The following VPS50 variants were observed in gnomAD, a reference collection of about 807,000 sequenced individuals.
VPS50 encodes the protein syndetin.
In VPS50, 70 loss-of-function variants were observed where a neutral mutation model predicts 139.7. That is an observed-to-expected ratio of 0.50 (90% CI 0.41 to 0.61). The LOEUF is 0.61. VPS50 is among the 20% of genes least tolerant of loss of function. The pLI, the probability that VPS50 is intolerant of heterozygous loss-of-function variation, is 0.00. For synonymous variants in VPS50, 365 were observed against 376.7 expected, an observed-to-expected ratio of 0.97 and a Z score of 0.36; for missense variants, 921 against 1,133.7, an observed-to-expected ratio of 0.81 and a Z score of 2.69.
intron 27 of VPS50, 24 bp downstream of exon 27, chr7:93,356,104 T>G (rs1256139511): frequency 8.4e-7 from 1 of 1,192,014 alleles, no homozygotes; most frequent in Non-Finnish European, 1.1e-6. Context: ...AATAGTTAAT[T>G]AAGTTTTTAT....
At chr7:93,352,166 A>G (rs1798580787) in intron 25 of VPS50, among the ~76,000 whole-genome samples, 1 of 152,214 alleles carries the variant, frequency 6.6e-6, no homozygotes, top group African/African-American at 2.4e-5. Context: ...TTTTATACAT[A>G]TAGCTTTATC....
chr7:93,302,881 G>T (rs908830304), intron 16 of VPS50, among the ~76,000 whole-genome samples: 11 of 152,148 alleles, frequency 7.2e-5, no homozygotes, highest in Admixed American at 3.3e-4. Context: ...AGAAAGAAAA[G>T]AGATCAGTAT....
At chr7:93,323,475 A>G (rs1797678345) in intron 20 of VPS50, 136 bp from the exon 21 acceptor site, 3 of 268,446 alleles carry the variant, frequency 1.1e-5, no homozygotes, top group Middle Eastern at 1.2e-3. Flanking sequence ...TACTTGAGAC[A>G]TGGCTACTGT....
intron 1 of VPS50, 41 bp downstream of exon 1, chr7:93,232,541 G>C: frequency 6.4e-7 from 1 of 1,556,562 alleles, no homozygotes; most frequent in Non-Finnish European, 8.9e-7. Context: ...CTTCATCTCG[G>C]AAGTGAGAGG....
rs371633008 is a variant in VPS50, at chr7:93,297,166, A to C, written c.1284A>C (p.Glu428Asp). ...IISRLMQVGE[E>D]FCGSKSEVLQ... ...CTAGGTTGATGCAAGTTGGAGAAGA[A>C]TTTTGTGGTAGCAAGTCTGAAGTTT... is the stretch of plus-strand genomic sequence containing the variant. The change falls in exon 16 of 28, where the codon GAA becomes GAC. Residue 428 changes from glutamate to aspartate, a missense_variant. By Grantham distance (45) the Glu-to-Asp change is conservative. Coordinates refer to ENST00000305866, the MANE Select transcript of VPS50 (RefSeq NM_017667.4). 1.0e-5 allele frequency: 16 copies of C among 1,563,808 alleles called. No individual in the cohort carries two copies. The African/African-American group carries it at 2.3e-4, about 22-fold the overall frequency.
At chr7:93,310,306 G>A (rs1264989931) in intron 19 of VPS50, among the ~76,000 whole-genome samples, 2 of 151,922 alleles carry the variant, frequency 1.3e-5, no homozygotes, top group African/African-American at 4.8e-5. Context: ...GTTCTAACTT[G>A]TGTCTCTTGA....
chr7:93,329,937 A>G (rs898977135), intron 21 of VPS50, among the ~76,000 whole-genome samples: 4 of 152,212 alleles, frequency 2.6e-5, no homozygotes, highest in African/African-American at 9.6e-5. Flanking sequence ...TAACACATGA[A>G]AACCTAGATC....
intron 12 of VPS50, among the ~76,000 whole-genome samples, chr7:93,289,363 A>C (rs1382723923): frequency 6.6e-6 from 1 of 151,594 alleles, no homozygotes; most frequent in African/African-American, 2.4e-5. Flanking sequence ...TTTTGATAGG[A>C]GTTTTAGTCT....
At chr7:93,334,513 A>T (rs997985757) in intron 22 of VPS50, among the ~76,000 whole-genome samples, 1 of 152,180 alleles carries the variant, frequency 6.6e-6, no homozygotes, top group African/African-American at 2.4e-5. Context: ...CAGGCATAGG[A>T]TTAATGGGAG....
intron 3 of VPS50, 26 bp downstream of exon 3, chr7:93,252,801 A>G: frequency 1.3e-6 from 2 of 1,555,302 alleles, no homozygotes; most frequent in Non-Finnish European, 8.7e-7. Context: ...TTAAAACATA[A>G]CTAAGGCCTG....
At chr7:93,317,542 G>A (rs1263822126) in intron 20 of VPS50, among the ~76,000 whole-genome samples, 1 of 152,138 alleles carries the variant, frequency 6.6e-6, no homozygotes, top group Non-Finnish European at 1.5e-5. Flanking sequence ...GGGTGACAGG[G>A]CAAGACTCTG....
chr7:93,275,650 A>G (rs1250145253), intron 11 of VPS50, among the ~76,000 whole-genome samples: 1 of 152,172 alleles, frequency 6.6e-6, no homozygotes, highest in Non-Finnish European at 1.5e-5. Flanking sequence ...AAATAAAAAA[A>G]TTTGCTTTGT....
intron 23 of VPS50, among the ~76,000 whole-genome samples, chr7:93,346,388 G>A (rs1798394601): frequency 6.6e-6 from 1 of 152,112 alleles, no homozygotes; most frequent in African/African-American, 2.4e-5. Flanking sequence ...TAATGAAAAT[G>A]GCCATACTGC....
chr7:93,252,059 T>G (rs1195033005), intron 2 of VPS50, among the ~76,000 whole-genome samples: 1 of 152,228 alleles, frequency 6.6e-6, no homozygotes, highest in Non-Finnish European at 1.5e-5. Context: ...CATTTTATCA[T>G]ATAGAGAAGT....
chr7:93,258,391 A>C lies in VPS50; in HGVS notation c.575A>C (p.Glu192Ala), dbSNP rs1362562145. The C allele has an allele frequency of 6.2e-7, 1 of 1,612,490 alleles. No individual in the cohort carries two copies. Among genetic ancestry groups the C allele is most frequent in the East Asian group, 2.2e-5 (1 of 44,772 alleles). The stretch of plus-strand genomic sequence containing the variant: ...GATGTACGGTTAAGTGAAATGCTGG[A>C]GGTAAGTTAACAAGTTTTGGAAATT... ...RTDVRLSEML[E>A]EEDYPGAIQL... Residue 192 changes from glutamate (E) to alanine (A), a missense_variant and splice_region_variant, in exon 8 of 28, where the codon GAG becomes GCG. Physicochemically the swap from Glu to Ala is moderately radical, Grantham distance 107 (BLOSUM62 -1). Coordinates refer to ENST00000305866, the MANE Select transcript of VPS50 (RefSeq NM_017667.4).
chr7:93,344,718 C>T (rs1798336693), intron 23 of VPS50, among the ~76,000 whole-genome samples: 1 of 151,690 alleles, frequency 6.6e-6, no homozygotes, highest in African/African-American at 2.4e-5. Context: ...GAACCTGCTC[C>T]TGAATAACTA....
chr7:93,333,569 T>C (rs1797994122), intron 21 of VPS50, among the ~76,000 whole-genome samples: 1 of 152,200 alleles, frequency 6.6e-6, no homozygotes, highest in Admixed American at 6.5e-5. Flanking sequence ...TCATTTATGC[T>C]CTTGTGTGAA....
intron 12 of VPS50, among the ~76,000 whole-genome samples, chr7:93,276,644 A>G (rs1460027058): frequency 1.3e-5 from 2 of 152,184 alleles, no homozygotes; most frequent in East Asian, 1.9e-4. Flanking sequence ...TTTTCTGTAC[A>G]GATTTTCAAC....
At chr7:93,235,012 T>G (rs1794757445) in intron 1 of VPS50, among the ~76,000 whole-genome samples, 1 of 151,652 alleles carries the variant, frequency 6.6e-6, no homozygotes, top group South Asian at 2.1e-4. Context: ...GGATAGAAAG[T>G]CCTGGGAATT....
Sources: gnomAD v4.1 joint callset for allele counts (sites outside exome capture counted in the v4.1 genomes callset) on GRCh38, gnomAD v4.1.1 for gene constraint, MANE v1.5 for transcripts, NCBI Gene and HGNC (gene_info 2026-07-23, HGNC 2026-07-21) for gene names.